Variants in PPM1L observed in about 807,000 individuals in gnomAD.
PPM1L encodes the protein protein phosphatase, Mg2+/Mn2+ dependent 1L, also known as protein phosphatase 1L.
In PPM1L, 13 loss-of-function variants were observed where a neutral mutation model predicts 31.4. The ratio of observed to expected loss-of-function variants is 0.41; its 90% CI spans 0.27 to 0.66. PPM1L has a LOEUF of 0.66. Among genes scored for constraint, PPM1L ranks in the 30% least tolerant of loss-of-function variants. The probability of loss-of-function intolerance (pLI) is 0.29; values close to 1 mark genes in which losing one functional copy is unlikely to be tolerated. For missense variants in PPM1L, 326 were observed against 453.7 expected (o/e 0.72, Z 2.56); for synonymous variants, 184 against 175.4 (o/e 1.05, Z -0.39).
At chr3:161,039,948 G>T (rs1718861902) in intron 2 of PPM1L, among the ~76,000 whole-genome samples, 1 of 152,144 alleles carries the variant, frequency 6.6e-6, no homozygotes, top group South Asian at 2.1e-4. Context: ...CCAAATAAAT[G>T]CTACAATCCT....
At chr3:160,928,766 C>A (rs1014218370) in intron 1 of PPM1L, among the ~76,000 whole-genome samples, 1 of 152,088 alleles carries the variant, frequency 6.6e-6, no homozygotes, top group African/African-American at 2.4e-5. Context: ...TCCTACCATG[C>A]GAGGACACCT....
intron 2 of PPM1L, among the ~76,000 whole-genome samples, chr3:160,986,255 T>A (rs1716961585): frequency 6.6e-6 from 1 of 152,136 alleles, no homozygotes; most frequent in Admixed American, 6.6e-5. Flanking sequence ...CATGCCCACA[T>A]GCTTGTCAGG....
In PPM1L at chr3:160,853,165, G is replaced by A. The variant is rs537275396; in HGVS notation, c.399+96458G>A. Among the ~76,000 whole-genome samples, 4 of 152,208 alleles carry A rather than the reference G, an allele frequency of 2.6e-5. No individual in the cohort carries two copies. The East Asian group carries it at 7.7e-4, about 29-fold the overall frequency. ...AAAACACCCTCTGATTGCATTTAGG[G>A]CCAAACTTCTCAAGGCCCTTAATTT... is the stretch of plus-strand genomic sequence containing the variant. On this transcript the variant is annotated intron_variant, in intron 1 of 3. Coordinates refer to ENST00000498165, the MANE Select transcript of PPM1L (RefSeq NM_139245.4).
intron 1 of PPM1L, among the ~76,000 whole-genome samples, chr3:160,765,557 T>C (rs1335409398): frequency 1.3e-5 from 2 of 152,166 alleles, no homozygotes; most frequent in Admixed American, 1.3e-4. Flanking sequence ...AGGTGATGCT[T>C]CACATTCAAA....
At chr3:160,955,563 T>A (rs935029411) in intron 1 of PPM1L, among the ~76,000 whole-genome samples, 1 of 152,148 alleles carries the variant, frequency 6.6e-6, no homozygotes, top group Non-Finnish European at 1.5e-5. Context: ...GTTTCCTTTA[T>A]GGTAAAGGCT....
At chr3:160,851,518 C>G (rs986557300) in intron 1 of PPM1L, among the ~76,000 whole-genome samples, 1 of 152,054 alleles carries the variant, frequency 6.6e-6, no homozygotes, top group Admixed American at 6.6e-5. Context: ...GTAAATTATT[C>G]CTTTTAGAAA....
At chr3:161,050,430 GA>G (rs1434537590) in intron 2 of PPM1L, among the ~76,000 whole-genome samples, 1 of 151,982 alleles carries the variant, frequency 6.6e-6, no homozygotes, top group Non-Finnish European at 1.5e-5. Context: ...TTGTATCTAG[GA>G]AATTAGGAAA....
chr3:160,786,208 T>TATATACATA (rs1491553702), intron 1 of PPM1L, among the ~76,000 whole-genome samples: 1 of 30,482 alleles, frequency 3.3e-5, no homozygotes, highest in African/African-American at 3.4e-4. Flanking sequence ...TATATATATA[T>TATATACATA]TTTTTTTTTT....
chr3:161,013,161 A>G (rs1204070186), intron 2 of PPM1L, among the ~76,000 whole-genome samples: 1 of 152,186 alleles, frequency 6.6e-6, no homozygotes, highest in African/African-American at 2.4e-5. Flanking sequence ...GTGGGCATTT[A>G]GTGCTGTAAA....
chr3:160,905,430 G>A (rs1357692292), intron 1 of PPM1L, among the ~76,000 whole-genome samples: 3 of 152,080 alleles, frequency 2.0e-5, no homozygotes, highest in African/African-American at 7.2e-5. Flanking sequence ...TCTTTCAAAT[G>A]CCCGTCTAAT....
chr3:160,846,682 G>A (rs1456676844), intron 1 of PPM1L, among the ~76,000 whole-genome samples: 1 of 151,638 alleles, frequency 6.6e-6, no homozygotes, highest in Non-Finnish European at 1.5e-5. Context: ...TTGACAGTGT[G>A]CATAGTGCTT....
At chr3:160,856,928 A>C (rs1326107748) in intron 1 of PPM1L, among the ~76,000 whole-genome samples, 1 of 151,786 alleles carries the variant, frequency 6.6e-6, no homozygotes, top group East Asian at 1.9e-4. Context: ...TTTGTAGTTG[A>C]TTGTTTAATA....
chr3:160,789,901 C>T lies in PPM1L; in HGVS notation c.399+33194C>T, dbSNP rs117857259. Among the ~76,000 whole-genome samples, 13 of 152,146 alleles carry T rather than the reference C, an allele frequency of 8.5e-5. No individual in the cohort carries two copies. The East Asian group carries it at 2.1e-3, about 25-fold the overall frequency. ...GTGGATACCAAAATACATGGATGCTCAATTTCCTAATATAAAGTGGCATAG... is the reference window on the plus strand; with the variant it reads ...GTGGATACCAAAATACATGGATGCTTAATTTCCTAATATAAAGTGGCATAG... On this transcript the variant is annotated intron_variant, in intron 1 of 3. Transcript: ENST00000498165.
intron 1 of PPM1L, among the ~76,000 whole-genome samples, chr3:160,840,719 GGA>G (rs137953325): frequency 0.019 from 2,669 of 143,772 alleles, 82 homozygotes; most frequent in African/African-American, 0.067. Flanking sequence ...TATCTCCAGG[GGA>G]GAGAGAGAGA....
intron 1 of PPM1L, among the ~76,000 whole-genome samples, chr3:160,927,739 C>G (rs972827801): frequency 6.6e-6 from 1 of 152,150 alleles, no homozygotes; most frequent in Non-Finnish European, 1.5e-5. Context: ...CGAAACTTGT[C>G]ACTAATGGCT....
intron 1 of PPM1L, among the ~76,000 whole-genome samples, chr3:160,859,011 T>C (rs1711809162): frequency 6.6e-6 from 1 of 152,052 alleles, no homozygotes; most frequent in Non-Finnish European, 1.5e-5. Context: ...GTAGTTAGGG[T>C]GGGTAGGCAA....
chr3:161,048,842 ACACTGCATGTTCT>A (rs1297708561), intron 2 of PPM1L, among the ~76,000 whole-genome samples: 2 of 148,800 alleles, frequency 1.3e-5, no homozygotes, highest in Non-Finnish European at 3.0e-5. Context: ...AAAAAACCAA[ACACTGCATGTTCT>A]CACTTATAAG....
At chr3:161,068,150 T>A (rs1299609915) in intron 3 of PPM1L, among the ~76,000 whole-genome samples, 1 of 152,210 alleles carries the variant, frequency 6.6e-6, no homozygotes, top group Non-Finnish European at 1.5e-5. Context: ...AAATGACTTA[T>A]GTGGAATAAG....
At chr3:160,991,517 C>T (rs565257853) in intron 2 of PPM1L, among the ~76,000 whole-genome samples, 1 of 152,168 alleles carries the variant, frequency 6.6e-6, no homozygotes, top group Non-Finnish European at 1.5e-5. Flanking sequence ...GCTAAGGAAC[C>T]TAGAAAATAG....
Sources: gnomAD v4.1 joint callset for allele counts (sites outside exome capture counted in the v4.1 genomes callset) on GRCh38, gnomAD v4.1.1 for gene constraint, MANE v1.5 for transcripts, NCBI Gene and HGNC (gene_info 2026-07-23, HGNC 2026-07-21) for gene names.